The following TRAFD1 variants were observed in gnomAD, a reference collection of about 807,000 sequenced individuals.
TRAFD1 encodes TRAF-type zinc finger domain containing 1.
In TRAFD1, 38 loss-of-function variants were observed where a neutral mutation model predicts 65.3. The ratio of observed to expected loss-of-function variants is 0.58; its 90% CI spans 0.45 to 0.76. TRAFD1 has a LOEUF of 0.76. Among genes scored for constraint, TRAFD1 ranks in the 30% least tolerant of loss-of-function variants. The pLI is 0.00. For synonymous variants in TRAFD1, 223 were observed against 257.2 expected (o/e 0.87, Z 1.27); for missense variants, 631 against 712.6 (o/e 0.89, Z 1.30).
chr12:112,152,215 C>A lies in TRAFD1; in HGVS notation c.1619+75C>A. ...ATGGGCAAAGGCCTGGTTACCCTTG[C>A]CAGGCCTGGGGTAAGACTGAGGTAC... On this transcript the variant is annotated intron_variant, in intron 10 of 11. Coordinates refer to ENST00000412615, the MANE Select transcript of TRAFD1 (RefSeq NM_006700.3). The surrounding 1 kb of genome is among the most constrained non-coding windows in gnomAD (Gnocchi z 5.0). 2 of 1,516,172 alleles carry A rather than the reference C, an allele frequency of 1.3e-6. No homozygotes were observed. The highest frequency in any genetic ancestry group is 1.8e-6 in the Non-Finnish European group (2 of 1,123,128). 93.9% of individuals were successfully genotyped at this position (1,516,172 alleles called of 1,614,324 possible).
At chr12:112,141,491 G>T (rs1015024578) in intron 5 of TRAFD1, 5 of 416,826 alleles carry the variant, frequency 1.2e-5, no homozygotes, top group Non-Finnish European at 1.7e-5. Context: ...CTTGGGGCCA[G>T]AAGTGGTTTG....
chr12:112,128,165 C>A (rs959977940), intron 1 of TRAFD1, among the ~76,000 whole-genome samples: 5 of 151,918 alleles, frequency 3.3e-5, no homozygotes, highest in Admixed American at 6.6e-5. Flanking sequence ...ACTACAGGCA[C>A]CCGGCTAATT....
chr12:112,146,381 G>T (rs902639494), intron 7 of TRAFD1, among the ~76,000 whole-genome samples: 1 of 151,896 alleles, frequency 6.6e-6, no homozygotes, highest in Admixed American at 6.6e-5. Flanking sequence ...AAAGGGGGGG[G>T]CAGGGAATGA....
At chr12:112,128,661 A>G (rs528050440) in intron 1 of TRAFD1, among the ~76,000 whole-genome samples, 3 of 152,304 alleles carry the variant, frequency 2.0e-5, no homozygotes, top group Non-Finnish European at 2.9e-5. Flanking sequence ...CATGATTTCT[A>G]TGGTGTTCTT....
rs1001829511 is a variant in TRAFD1 at position 112,137,749 on chromosome 12, G to C, written c.237+2683G>C. 2.6e-5 allele frequency among the ~76,000 whole-genome samples: 4 copies of C among 152,200 alleles called. No individual in the cohort carries two copies. Among genetic ancestry groups the C allele is most frequent in the Admixed American group, 1.3e-4 (2 of 15,276 alleles). ...TGCACTTCAGTCAGGGCGACAGAGC[G>C]AGACTCCGTCTAAAAAAATAAATAA... On this transcript the variant is annotated intron_variant, in intron 4 of 11. Transcript: ENST00000412615. This position sits in a 1 kb window ranked among gnomAD's most constrained non-coding sequence, Gnocchi z 4.2.
intron 4 of TRAFD1, chr12:112,140,264 C>CA (rs1261532078): frequency 1.5e-4 from 28 of 181,818 alleles, no homozygotes; most frequent in African/African-American, 6.2e-4. Context: ...ACTAAAAATA[C>CA]AAAAAATTAA....
At chr12:112,134,664 T>A in intron 2 of TRAFD1, 74 bp from the exon 3 acceptor site, 1 of 1,535,258 alleles carries the variant, frequency 6.5e-7, no homozygotes, top group Non-Finnish European at 8.9e-7. Context: ...CAGATTTCCA[T>A]GTGATGCCAC....
chr12:112,141,443 C>A, intron 5 of TRAFD1: 2 of 594,522 alleles, frequency 3.4e-6, no homozygotes, highest in Non-Finnish European at 5.8e-6. Context: ...TGTAAATAGC[C>A]AACACTTATA....
intron 4 of TRAFD1, among the ~76,000 whole-genome samples, chr12:112,140,409 G>A (rs1245173662): frequency 2.3e-5 from 3 of 131,058 alleles, no homozygotes. Flanking sequence ...GACAGTGCGA[G>A]ACACTGTCTC....
In TRAFD1 at chr12:112,152,030, T is replaced by C. The variant is rs1339241710; in HGVS notation, c.1509T>C (p.Asn503=). Residue 503 remains asparagine (N), a synonymous_variant, in exon 10 of 12, where the codon AAT becomes AAC. Coordinates refer to ENST00000412615, the MANE Select transcript of TRAFD1 (RefSeq NM_006700.3). This position sits in a 1 kb window ranked among gnomAD's most constrained non-coding sequence, Gnocchi z 5.0. ...AGGGGCGGAATCGAGACAGCCAGAA[T>C]GGGGCCATAGCCCCTGGGCACGTTT... ...DIQGRNRDSQ[N]GAIAPGHVSV... is the part of the protein sequence containing the mutation. The C allele has an allele frequency of 6.2e-7, 1 of 1,614,228 alleles. No individual in the cohort carries two copies. The highest frequency in any genetic ancestry group is 1.3e-5 in the African/African-American group (1 of 75,062).
At chr12:112,151,010 T>C (rs748832708) in intron 9 of TRAFD1, among the ~76,000 whole-genome samples, 18 of 151,912 alleles carry the variant, frequency 1.2e-4, no homozygotes, top group Admixed American at 3.3e-4. Context: ...GAGGCTGAGG[T>C]GGGCGGATCA....
In TRAFD1 at chr12:112,130,442, G is replaced by GT. The variant is rs2079562228; in HGVS notation, c.-12-62dup. The GT allele has an allele frequency of 5.3e-6, 7 of 1,325,100 alleles. No homozygotes were observed. The highest frequency in any genetic ancestry group is 1.8e-5 in the Admixed American group (1 of 55,106). 82.1% of individuals were successfully genotyped at this position (1,325,100 alleles called of 1,614,324 possible). Reference sequence around the variant, plus strand: ...GTTTCTGTATACTAGTTTTTTATTTGTTTTTTTGCATGTCATCTTTAAAGC... The same window carrying GT: ...GTTTCTGTATACTAGTTTTTTATTTGTTTTTTTTGCATGTCATCTTTAAAGC... On this transcript the variant is annotated intron_variant, in intron 1 of 11. Coordinates refer to ENST00000412615, the MANE Select transcript of TRAFD1 (RefSeq NM_006700.3). This position sits in a 1 kb window ranked among gnomAD's most constrained non-coding sequence, Gnocchi z 4.4.
chr12:112,130,051 G>GCATTCCTCTTGCA lies in TRAFD1; in HGVS notation c.-12-451_-12-439dup, dbSNP rs2079559967. Among the ~76,000 whole-genome samples, 1 of 151,794 alleles carries GCATTCCTCTTGCA rather than the reference G, an allele frequency of 6.6e-6. No individual in the cohort carries two copies. Among genetic ancestry groups the GCATTCCTCTTGCA allele is most frequent in the Non-Finnish European group, 1.5e-5 (1 of 67,934 alleles). On this transcript the variant is annotated intron_variant, in intron 1 of 11. Coordinates refer to ENST00000412615, the MANE Select transcript of TRAFD1 (RefSeq NM_006700.3). This position sits in a 1 kb window ranked among gnomAD's most constrained non-coding sequence, Gnocchi z 4.4. ...TGCAGCCTTAAACTCCTAGGCTTAA[G>GCATTCCTCTTGCA]CATTCCTCTTGCACATTCCTCCTGC... is the stretch of plus-strand genomic sequence containing the variant.
At chr12:112,141,316 T>C in intron 5 of TRAFD1, 92 bp downstream of exon 5, 2 of 1,447,088 alleles carry the variant, frequency 1.4e-6, no homozygotes, top group East Asian at 2.3e-5. Context: ...ATCTTGATTA[T>C]AGAAACCCGA....
intron 8 of TRAFD1, among the ~76,000 whole-genome samples, chr12:112,149,166 C>A (rs1257196361): frequency 6.6e-6 from 1 of 150,564 alleles, no homozygotes; most frequent in African/African-American, 2.5e-5. Flanking sequence ...TGCAGTGAGC[C>A]GAGATCACAC....
In TRAFD1 at chr12:112,141,099, A is replaced by G; in HGVS notation, c.518A>G (p.Glu173Gly). ...WIASQLLRQIEALDPPMRLPR... is the reference protein window; with the variant it reads ...WIASQLLRQIGALDPPMRLPR... ...GCATCCCAACTCCTCAGACAAATTG[A>G]GGCTCTGGACCCACCCATGAGGCTG... Residue 173 changes from glutamate to glycine, a missense_variant, in exon 5 of 12, where the codon GAG becomes GGG. Glu to Gly is a moderately conservative substitution (Grantham distance 98). Transcript: ENST00000412615. 3.1e-6 allele frequency: 5 copies of G among 1,614,134 alleles called. No individual in the cohort carries two copies. The highest frequency in any genetic ancestry group is 4.2e-6 in the Non-Finnish European group (5 of 1,180,012).
At chr12:112,151,082 A>G (rs1303909090) in intron 9 of TRAFD1, among the ~76,000 whole-genome samples, 1 of 151,016 alleles carries the variant, frequency 6.6e-6, no homozygotes, top group Non-Finnish European at 1.5e-5. Context: ...TACTAAAAAT[A>G]CAAAAATTAG....
intron 8 of TRAFD1, 28 bp from the exon 9 acceptor site, chr12:112,149,723 G>A: frequency 6.2e-7 from 1 of 1,613,442 alleles, no homozygotes. Flanking sequence ...TCAATTCAGA[G>A]GTACTAATTC....
At chr12:112,138,976 A>G (rs1566048778) in intron 4 of TRAFD1, among the ~76,000 whole-genome samples, 1 of 152,196 alleles carries the variant, frequency 6.6e-6, no homozygotes, top group East Asian at 1.9e-4. Flanking sequence ...ATTGATAAAA[A>G]GGCCTTAGGT....
Sources: gnomAD v4.1 joint callset for allele counts (sites outside exome capture counted in the v4.1 genomes callset) on GRCh38, gnomAD v4.1.1 for gene constraint, Gnocchi (gnomAD v3.1) non-coding constraint, MANE v1.5 for transcripts, NCBI Gene and HGNC (gene_info 2026-07-23, HGNC 2026-07-21) for gene names.